Variants in PI4KA observed in about 807,000 individuals in gnomAD.
The protein encoded by PI4KA is phosphatidylinositol 4-kinase alpha.
A neutral mutation model predicts 271.4 loss-of-function variants in PI4KA; 122 were observed. The observed-to-expected ratio is 0.45, with a 90% CI of 0.39 to 0.52. The LOEUF is 0.52. Among genes scored for constraint, PI4KA ranks in the 20% least tolerant of loss-of-function variants. The pLI, the probability that PI4KA is intolerant of heterozygous loss-of-function variation, is 0.00. For synonymous variants in PI4KA, 1,041 were observed against 1,078.8 expected, an observed-to-expected ratio of 0.96 and a Z score of 0.69; for missense variants, 1,969 against 2,769.1, an observed-to-expected ratio of 0.71 and a Z score of 6.48.
At position 20,796,130 on chromosome 22, in the gene PI4KA, C is replaced by G. The variant is rs762378717; in HGVS notation, c.2277+16G>C. 4.4e-6 allele frequency: 7 copies of G among 1,603,910 alleles called. No homozygotes were observed. The Admixed American group carries it at 1.2e-4, about 27-fold the overall frequency. ...TAGGACACTGATGGGGAAGGCATAG[C>G]CATCCTCCTTCCTACCTTTAGGGCA... On this transcript the variant is annotated intron_variant, in intron 18 of 54. Transcript: ENST00000255882.
chr22:20,780,318 C>A, intron 19 of PI4KA: 2 of 1,487,754 alleles, frequency 1.3e-6, no homozygotes, highest in Non-Finnish European at 1.9e-6. Context: ...AAACTAGACA[C>A]AAGATTGACT....
At chr22:20,858,539 G>A in intron 1 of PI4KA, 31 bp downstream of exon 1, 2 of 1,341,698 alleles carry the variant, frequency 1.5e-6, no homozygotes, top group Non-Finnish European at 9.6e-7. Flanking sequence ...CCCTCCTCCT[G>A]TCAGCCCGCG....
chr22:20,739,469 G>GAAAAAAAAAAAAAAAAAAAAAAAAA, intron 32 of PI4KA, among the ~76,000 whole-genome samples: 1 of 130,552 alleles, frequency 7.7e-6, no homozygotes, highest in South Asian at 2.4e-4. Flanking sequence ...CTGTCTTCAG[G>GAAAAAAAAAAAAAAAAAAAAAAAAA]AAAAAAAAAA....
chr22:20,811,044 A>G lies in PI4KA; in HGVS notation c.1006-12T>C. On this transcript the variant is annotated splice_polypyrimidine_tract_variant and intron_variant, in intron 8 of 54. Coordinates refer to ENST00000255882, the MANE Select transcript of PI4KA (RefSeq NM_058004.4). ...ACGATCTTCTTCACCTACCAAGGAA[A>G]CAGAACCTCATGAAGCAACTGACAT... The G allele has an allele frequency of 6.2e-7, 1 of 1,606,392 alleles. No homozygotes were observed. The highest frequency in any genetic ancestry group is 1.1e-5 in the South Asian group (1 of 90,920).
At chr22:20,739,849 G>A (rs1044208520) in intron 32 of PI4KA, among the ~76,000 whole-genome samples, 19 of 151,886 alleles carry the variant, frequency 1.3e-4, no homozygotes, top group South Asian at 2.1e-4. Flanking sequence ...CATCACCTGC[G>A]GTCAGGAGTC....
intron 29 of PI4KA, among the ~76,000 whole-genome samples, chr22:20,746,124 G>A (rs1443086586): frequency 6.7e-6 from 1 of 148,624 alleles, no homozygotes; most frequent in Non-Finnish European, 1.5e-5. Flanking sequence ...GTGCAGTGGC[G>A]GGATCTCGGC....
intron 23 of PI4KA, among the ~76,000 whole-genome samples, chr22:20,759,625 G>C (rs1326992068): frequency 6.6e-6 from 1 of 151,894 alleles, no homozygotes; most frequent in Non-Finnish European, 1.5e-5. Flanking sequence ...GAGTACAGTT[G>C]CGTGAACTCC....
chr22:20,805,219 G>A (rs1352198450), intron 10 of PI4KA, 54 bp from the exon 11 acceptor site: 1 of 1,274,002 alleles, frequency 7.8e-7, no homozygotes, highest in African/African-American at 1.5e-5. Context: ...GTAGAACACA[G>A]GCAGTGCTAG....
intron 3 of PI4KA, among the ~76,000 whole-genome samples, chr22:20,828,795 C>T (rs1394460307): frequency 6.6e-6 from 1 of 152,112 alleles, no homozygotes; most frequent in Non-Finnish European, 1.5e-5. Context: ...CCTCGTAATC[C>T]GCCCACCTCG....
At chr22:20,763,027 G>C (rs1293962316) in intron 22 of PI4KA, among the ~76,000 whole-genome samples, 4 of 38,618 alleles carry the variant, frequency 1.0e-4, no homozygotes, top group East Asian at 9.2e-4. Context: ...TGGGGGGGGG[G>C]GGGGTTAGAG....
chr22:20,751,456 A>C, intron 26 of PI4KA, 80 bp from the exon 27 acceptor site: 3 of 1,238,828 alleles, frequency 2.4e-6, no homozygotes, highest in Non-Finnish European at 3.5e-6. Context: ...ACCCCTACCC[A>C]CCACCTGTCT....
Position 20,763,016 on chromosome 22 carries a change from T to TGGGG in PI4KA, c.2709-1631_2709-1630insCCCC, listed in dbSNP as rs764908841. On this transcript the variant is annotated intron_variant, in intron 22 of 54. Coordinates refer to ENST00000255882, the MANE Select transcript of PI4KA (RefSeq NM_058004.4). ...TGGCTAGGTTTTTTTGCTTTTTTTT[T>TGGGG]TGGGGGGGGGGGGGGTTAGAGACAA... Among the ~76,000 whole-genome samples the TGGGG allele has an allele frequency of 8.4e-3, 119 of 14,158 alleles. 3 individuals are homozygous for TGGGG. The highest frequency in any genetic ancestry group is 0.021 in the African/African-American group (54 of 2,634). The allele number at this position is 14,158 out of a possible 152,430, so 9.3% of individuals were successfully genotyped here. A position where few individuals can be genotyped will look rare whatever the true frequency, so the allele number is the denominator to read the frequency against.
chr22:20,769,555 G>A (rs556553765), intron 19 of PI4KA, among the ~76,000 whole-genome samples: 1 of 152,052 alleles, frequency 6.6e-6, no homozygotes, highest in Non-Finnish European at 1.5e-5. Flanking sequence ...TGTAGTCCCA[G>A]GTACTCGGGA....
intron 13 of PI4KA, among the ~76,000 whole-genome samples, chr22:20,802,456 G>A (rs1935385230): frequency 6.6e-6 from 1 of 152,224 alleles, no homozygotes; most frequent in Non-Finnish European, 1.5e-5. Context: ...ACAAAGCCTG[G>A]TGAGGGTTAG....
At chr22:20,816,633 A>G (rs1031025602) in intron 7 of PI4KA, among the ~76,000 whole-genome samples, 3 of 152,106 alleles carry the variant, frequency 2.0e-5, no homozygotes, top group African/African-American at 4.8e-5. Context: ...CCCCAACTCA[A>G]AAAAAAGAAA....
At chr22:20,804,883 G>A (rs1005084970) in intron 11 of PI4KA, 91 bp downstream of exon 11, 2 of 1,043,684 alleles carry the variant, frequency 1.9e-6, no homozygotes, top group Non-Finnish European at 2.9e-6. Context: ...ACAGAGCCAA[G>A]TGTTCTAGAA....
intron 28 of PI4KA, among the ~76,000 whole-genome samples, chr22:20,748,234 C>T (rs1352468387): frequency 6.6e-6 from 1 of 152,258 alleles, no homozygotes; most frequent in Non-Finnish European, 1.5e-5. Context: ...GTCATGCAGT[C>T]ACTGCGGTGT....
chr22:20,812,084 A>G (rs1921120641), intron 8 of PI4KA, among the ~76,000 whole-genome samples: 1 of 152,090 alleles, frequency 6.6e-6, no homozygotes, highest in Admixed American at 6.6e-5. Flanking sequence ...GCAAAAAATA[A>G]TACCCCAAGA....
intron 21 of PI4KA, 51 bp downstream of exon 21, chr22:20,765,049 C>A (rs1243849018): frequency 6.3e-7 from 1 of 1,586,598 alleles, no homozygotes; most frequent in East Asian, 2.3e-5. Flanking sequence ...GTGAAAAGAT[C>A]TGCCCTAATT....
Sources: gnomAD v4.1 joint callset for allele counts (sites outside exome capture counted in the v4.1 genomes callset) on GRCh38, gnomAD v4.1.1 for gene constraint, MANE v1.5 for transcripts, NCBI Gene and HGNC (gene_info 2026-07-23, HGNC 2026-07-21) for gene names.